Variants in PLEKHA4 observed in about 807,000 individuals in gnomAD.
PLEKHA4 encodes the protein pleckstrin homology domain-containing family A member 4.
PLEKHA4 carries 73 observed loss-of-function variants against 94.7 expected under a neutral mutation model. The ratio of observed to expected loss-of-function variants is 0.77; its 90% CI spans 0.64 to 0.94. The LOEUF (loss-of-function observed/expected upper bound fraction) is 0.94. Among genes scored for constraint, PLEKHA4 ranks in the 40% least tolerant of loss-of-function variants. The pLI is 0.00. For synonymous variants in PLEKHA4, 449 were observed against 437.1 expected, an observed-to-expected ratio of 1.03 and a Z score of -0.34; for missense variants, 1,049 against 1,054.1, an observed-to-expected ratio of 1.00 and a Z score of 0.07.
In PLEKHA4 at chr19:48,857,461, G is replaced by T; in HGVS notation, c.1008C>A (p.Pro336=). 1.3e-6 allele frequency: 2 copies of T among 1,568,120 alleles called. No individual in the cohort carries two copies. The highest frequency in any genetic ancestry group is 2.4e-5 in the South Asian group (2 of 84,258). The change falls in exon 9 of 20, where the codon CCC becomes CCA. Residue 336 remains proline (P), a synonymous_variant. Transcript: ENST00000263265. ...HSGSPTYLQL[P]PRPPGTRASM... is the part of the protein sequence containing the mutation. ...AGGCCCGGGTCCCAGGGGGCCGCGG[G>T]GGGAGCTGGAGATAAGTGGGGGAGC...
intron 13 of PLEKHA4, among the ~76,000 whole-genome samples, chr19:48,850,571 A>C (rs1287885255): frequency 6.6e-6 from 1 of 152,136 alleles, no homozygotes; most frequent in African/African-American, 2.4e-5. Flanking sequence ...TAATCTCAGC[A>C]CTTTGGGAAG....
At chr19:48,858,531 G>A (rs1171149540) in intron 8 of PLEKHA4, among the ~76,000 whole-genome samples, 1 of 151,044 alleles carries the variant, frequency 6.6e-6, no homozygotes, top group African/African-American at 2.5e-5. Flanking sequence ...GGAGGCTGAG[G>A]CAGGAGAATC....
intron 9 of PLEKHA4, among the ~76,000 whole-genome samples, chr19:48,855,856 C>A (rs562636931): frequency 8.0e-4 from 121 of 151,534 alleles, no homozygotes; most frequent in African/African-American, 2.9e-3. Flanking sequence ...TGGCAAAACC[C>A]TGTCTCTACA....
At chr19:48,844,444 G>T in intron 16 of PLEKHA4, 1 of 984,884 alleles carries the variant, frequency 1.0e-6, no homozygotes, top group Non-Finnish European at 1.2e-6. Flanking sequence ...TACGAGCCAC[G>T]GTTCCCAGCC....
In PLEKHA4 at chr19:48,853,774, C is replaced by T. The variant is rs1178625692; in HGVS notation, c.1234G>A (p.Glu412Lys). ...CAGGCCCTCCCGGGAGCCCCAGCCT[C>T]CCTGGTGGCTTGGCCCAGCTGTTGC... ...TRQQLGQATREAGAPGRAWGR... is the reference protein window; with the variant it reads ...TRQQLGQATRKAGAPGRAWGR... Residue 412 changes from glutamate to lysine, a missense_variant, in exon 12 of 20, where the codon GAG becomes AAG. Glu to Lys is a moderately conservative substitution (Grantham distance 56). Transcript: ENST00000263265. The T allele has an allele frequency of 6.2e-6, 10 of 1,613,430 alleles. 1 individual carries two copies. Among genetic ancestry groups the T allele is most frequent in the South Asian group, 5.5e-5 (5 of 91,002 alleles).
chr19:48,854,391 T>C, intron 9 of PLEKHA4, 127 bp from the exon 10 acceptor site: 1 of 854,494 alleles, frequency 1.2e-6, no homozygotes, highest in East Asian at 2.7e-5. Flanking sequence ...TATTTAGAGA[T>C]AGGGTCTTGC....
intron 6 of PLEKHA4, 84 bp downstream of exon 6, chr19:48,860,266 G>A (rs2036582717): frequency 1.7e-6 from 2 of 1,186,736 alleles, no homozygotes; most frequent in African/African-American, 1.5e-5. Flanking sequence ...CACTCAAGGG[G>A]GCAGGGCCCC....
At chr19:48,850,997 C>T (rs778868016) in intron 13 of PLEKHA4, among the ~76,000 whole-genome samples, 2 of 151,350 alleles carry the variant, frequency 1.3e-5, no homozygotes, top group African/African-American at 2.4e-5. Context: ...AAAAATTAAC[C>T]GGGCATGGTG....
intron 5 of PLEKHA4, 52 bp from the exon 6 acceptor site, chr19:48,860,511 G>A: frequency 7.2e-7 from 1 of 1,389,110 alleles, no homozygotes; most frequent in Non-Finnish European, 1.0e-6. Context: ...GTAAAAAGGA[G>A]GACAGGCCGG....
At chr19:48,857,587 T>G in intron 8 of PLEKHA4, 91 bp from the exon 9 acceptor site, 1 of 746,284 alleles carries the variant, frequency 1.3e-6, no homozygotes, top group Non-Finnish European at 2.3e-6. Flanking sequence ...TTCTTCTGCC[T>G]TGGGATCCTG....
In PLEKHA4 at chr19:48,857,456, C is replaced by A; in HGVS notation, c.1013G>T (p.Arg338Leu). The A allele has an allele frequency of 6.4e-7, 1 of 1,564,202 alleles. No individual in the cohort carries two copies. Among genetic ancestry groups the A allele is most frequent in the Non-Finnish European group, 8.6e-7 (1 of 1,161,148 alleles). ...CATGGAGGCCCGGGTCCCAGGGGGC[C>A]GCGGGGGGAGCTGGAGATAAGTGGG... ...GSPTYLQLPP[R>L]PPGTRASMVL... The change falls in exon 9 of 20, where the codon CGG (arginine) becomes CTG (leucine). Residue 338 changes from arginine to leucine, a missense_variant. Transcript: ENST00000263265.
chr19:48,850,494 CTA>C (rs2036142460), intron 13 of PLEKHA4, among the ~76,000 whole-genome samples: 1 of 151,402 alleles, frequency 6.6e-6, no homozygotes, highest in African/African-American at 2.4e-5. Flanking sequence ...CAGAGCAAGA[CTA>C]TGTCTCACAC....
chr19:48,847,357 GC>G (rs1405371904), intron 14 of PLEKHA4, among the ~76,000 whole-genome samples: 3 of 152,084 alleles, frequency 2.0e-5, no homozygotes, highest in Non-Finnish European at 2.9e-5. Flanking sequence ...GATTGCTTGA[GC>G]CCAAGAATTC....
intron 3 of PLEKHA4, among the ~76,000 whole-genome samples, chr19:48,865,142 C>A (rs1466828552): frequency 1.3e-5 from 2 of 151,816 alleles, no homozygotes; most frequent in African/African-American, 2.4e-5. Context: ...TCGGGAGTTT[C>A]AGACCGCCCT....
intron 3 of PLEKHA4, among the ~76,000 whole-genome samples, chr19:48,862,202 C>CTT: frequency 8.3e-6 from 1 of 121,046 alleles, no homozygotes; most frequent in Admixed American, 7.8e-5. Flanking sequence ...TCTTTTCTCT[C>CTT]TCTTTTTTTT....
intron 9 of PLEKHA4, among the ~76,000 whole-genome samples, chr19:48,855,010 C>T (rs1166320017): frequency 6.6e-6 from 1 of 152,016 alleles, no homozygotes; most frequent in Non-Finnish European, 1.5e-5. Context: ...CTAGCGACCC[C>T]TCTCCTTATC....
chr19:48,851,252 C>A (rs1314693975), intron 13 of PLEKHA4, among the ~76,000 whole-genome samples: 1 of 152,186 alleles, frequency 6.6e-6, no homozygotes, highest in Non-Finnish European at 1.5e-5. Flanking sequence ...ACATTGCATG[C>A]CTGTACCAAA....
intron 5 of PLEKHA4, among the ~76,000 whole-genome samples, chr19:48,860,925 G>A (rs2036615835): frequency 6.6e-6 from 1 of 152,236 alleles, no homozygotes; most frequent in Admixed American, 6.5e-5. Context: ...GGAAAGGACT[G>A]GACAGACGCG....
intron 3 of PLEKHA4, among the ~76,000 whole-genome samples, chr19:48,864,699 T>G (rs993159620): frequency 6.6e-6 from 1 of 152,048 alleles, no homozygotes; most frequent in Non-Finnish European, 1.5e-5. Context: ...TAGCTGGGAC[T>G]ATAGGCGCAC....
Sources: allele counts gnomAD v4.1 joint callset (sites outside exome capture counted in the v4.1 genomes callset), GRCh38; gene constraint gnomAD v4.1.1; transcripts MANE v1.5; gene names NCBI Gene and HGNC (gene_info 2026-07-23, HGNC 2026-07-21).